Variants in NTNG1 observed in about 807,000 individuals in gnomAD.
The protein encoded by NTNG1 is netrin-G1.
Under a neutral mutation model 54.0 loss-of-function variants are expected in NTNG1, and 16 were observed. That is an observed-to-expected ratio of 0.30 (90% confidence interval 0.20 to 0.45). The LOEUF is 0.45. Ranked by LOEUF, NTNG1 falls within the 20% of genes least tolerant of loss-of-function variation. The pLI is 1.00. For missense variants in NTNG1, 530 were observed against 678.7 expected, an observed-to-expected ratio of 0.78 and a Z score of 2.43; for synonymous variants, 255 against 263.1, an observed-to-expected ratio of 0.97 and a Z score of 0.30.
intron 2 of NTNG1, among the ~76,000 whole-genome samples, chr1:107,237,650 C>CCT (rs1661502762): frequency 6.6e-6 from 1 of 152,034 alleles, no homozygotes; most frequent in African/African-American, 2.4e-5. Context: ...GACTTGGTGC[C>CCT]CTGTGTTCCA....
chr1:107,315,757 G>A (rs932331043), intron 2 of NTNG1, among the ~76,000 whole-genome samples: 2 of 152,050 alleles, frequency 1.3e-5, no homozygotes, highest in African/African-American at 4.8e-5. Flanking sequence ...GTTTACTTTT[G>A]TAGGGGCTGC....
chr1:107,361,757 C>T (rs1670314974), intron 3 of NTNG1, among the ~76,000 whole-genome samples: 1 of 152,100 alleles, frequency 6.6e-6, no homozygotes, highest in African/African-American at 2.4e-5. Flanking sequence ...TCATTTTTGA[C>T]ACTCGGGAAA....
chr1:107,407,225 A>C (rs891929088), intron 4 of NTNG1, among the ~76,000 whole-genome samples: 1 of 152,148 alleles, frequency 6.6e-6, no homozygotes, highest in African/African-American at 2.4e-5. Context: ...CATGCATCTC[A>C]TAACACATTT....
At chr1:107,451,808 G>A (rs964515538) in intron 7 of NTNG1, among the ~76,000 whole-genome samples, 3 of 152,124 alleles carry the variant, frequency 2.0e-5, no homozygotes, top group Admixed American at 6.6e-5. Context: ...TAGAAAACAA[G>A]TTTAACACAG....
chr1:107,261,114 A>T (rs573823231), intron 2 of NTNG1: 1 of 152,328 alleles, frequency 6.6e-6, no homozygotes, highest in Admixed American at 6.5e-5. Context: ...ATTCATTTTT[A>T]AAAATTATTT....
intron 7 of NTNG1, among the ~76,000 whole-genome samples, chr1:107,450,736 C>T (rs1249904751): frequency 6.6e-6 from 1 of 152,082 alleles, no homozygotes; most frequent in African/African-American, 2.4e-5. Flanking sequence ...TTCCAAATAG[C>T]AAAATAAAGC....
intron 3 of NTNG1, chr1:107,328,904 C>T (rs1265724554): frequency 1.3e-5 from 2 of 152,084 alleles, no homozygotes; most frequent in Non-Finnish European, 1.5e-5. Flanking sequence ...AGCCATAAGA[C>T]AATGGAAATT....
At chr1:107,469,051 C>T (rs1013951197) in intron 7 of NTNG1, among the ~76,000 whole-genome samples, 5 of 142,752 alleles carry the variant, frequency 3.5e-5, no homozygotes, top group African/African-American at 1.0e-4. Flanking sequence ...GAGCCATTAT[C>T]ATGCCACTGC....
At chr1:107,191,941 G>C (rs1194834966) in intron 2 of NTNG1, among the ~76,000 whole-genome samples, 1 of 152,126 alleles carries the variant, frequency 6.6e-6, no homozygotes, top group Non-Finnish European at 1.5e-5. Context: ...GAACTTTAAA[G>C]TAGTTTTCTC....
At chr1:107,263,060 T>C (rs3125685) in intron 2 of NTNG1, among the ~76,000 whole-genome samples, 128,897 of 152,206 alleles carry the variant, frequency 0.85, 58,498 homozygotes, top group Non-Finnish European at 1. Context: ...ACAATTCTGA[T>C]AAAAGAGGGG....
chr1:107,370,709 A>G (rs1670869776), intron 3 of NTNG1, among the ~76,000 whole-genome samples: 1 of 151,996 alleles, frequency 6.6e-6, no homozygotes, highest in African/African-American at 2.4e-5. Context: ...TACAATATTG[A>G]GTCTTCTGGC....
intron 2 of NTNG1, among the ~76,000 whole-genome samples, chr1:107,292,903 C>A (rs1003061413): frequency 6.6e-6 from 1 of 152,112 alleles, no homozygotes; most frequent in African/African-American, 2.4e-5. Context: ...TAATTTCCTT[C>A]CTTTTGTTCG....
At chr1:107,412,994 T>TC (rs1557978746) in intron 5 of NTNG1, among the ~76,000 whole-genome samples, 1 of 152,186 alleles carries the variant, frequency 6.6e-6, no homozygotes, top group African/African-American at 2.4e-5. Context: ...AACTCTGTTT[T>TC]CCCCATCTGT....
intron 2 of NTNG1, among the ~76,000 whole-genome samples, chr1:107,213,701 G>GTCT (rs1557814902): frequency 6.6e-6 from 1 of 152,090 alleles, no homozygotes; most frequent in East Asian, 1.9e-4. Context: ...ATGGCTATAT[G>GTCT]TCTTTGTTCT....
intron 2 of NTNG1, among the ~76,000 whole-genome samples, chr1:107,165,819 C>T (rs1467899074): frequency 2.0e-5 from 3 of 152,140 alleles, no homozygotes; most frequent in East Asian, 3.9e-4. Context: ...AAAGTAACCT[C>T]ATGAAGAATC....
intron 3 of NTNG1, among the ~76,000 whole-genome samples, chr1:107,346,862 T>C (rs1211762450): frequency 7.3e-6 from 1 of 137,370 alleles, no homozygotes; most frequent in Non-Finnish European, 1.5e-5. Context: ...CTTTCACCTC[T>C]GCCATGATCT....
chr1:107,334,626 A>G (rs1294823713), intron 3 of NTNG1, among the ~76,000 whole-genome samples: 1 of 151,908 alleles, frequency 6.6e-6, no homozygotes, highest in Non-Finnish European at 1.5e-5. Flanking sequence ...AAAAAAAAAC[A>G]TAAAAATAAT....
chr1:107,394,523 T>A (rs1309861168), intron 3 of NTNG1, among the ~76,000 whole-genome samples: 2 of 152,070 alleles, frequency 1.3e-5, no homozygotes, highest in Admixed American at 1.3e-4. Flanking sequence ...TTGCTGTGAG[T>A]GGGATGTCTG....
intron 1 of NTNG1, among the ~76,000 whole-genome samples, chr1:107,142,572 G>C (rs1409622671): frequency 6.6e-6 from 1 of 151,326 alleles, no homozygotes; most frequent in Non-Finnish European, 1.5e-5. Context: ...GTAAGATTCA[G>C]AACTCCACTA....
Sources: gnomAD v4.1 joint callset for allele counts (sites outside exome capture counted in the v4.1 genomes callset) on GRCh38, gnomAD v4.1.1 for gene constraint, MANE v1.5 for transcripts, NCBI Gene and HGNC (gene_info 2026-07-23, HGNC 2026-07-21) for gene names.